The following DST variants were observed in gnomAD, a reference collection of about 807,000 sequenced individuals.
The protein encoded by DST is bullous pemphigoid antigen.
A neutral mutation model predicts 875.2 loss-of-function variants in DST; 253 were observed. The observed-to-expected ratio is 0.29, with a 90% CI of 0.26 to 0.32. The LOEUF (loss-of-function observed/expected upper bound fraction) is 0.32, where lower values mean the gene tolerates loss of function less well. Ranked by LOEUF, DST falls within the 10% of genes least tolerant of loss-of-function variation. DST has a pLI of 1.00. For missense variants in DST, 8,287 were observed against 9,111.6 expected (o/e 0.91, Z 3.68); for synonymous variants, 3,124 against 3,197.1 (o/e 0.98, Z 0.77).
chr6:56,722,209 A>G (rs2099419679), intron 5 of DST, among the ~76,000 whole-genome samples: 1 of 152,186 alleles, frequency 6.6e-6, no homozygotes. Context: ...AAATACACTT[A>G]GGAGGAATTA....
At chr6:56,853,683 T>G (rs1766415184) in intron 3 of DST, among the ~76,000 whole-genome samples, 1 of 152,126 alleles carries the variant, frequency 6.6e-6, no homozygotes, top group Non-Finnish European at 1.5e-5. Context: ...TAGAGTAAAT[T>G]TTTTTAATGG....
chr6:56,895,167 C>G (rs1473554142), intron 3 of DST, among the ~76,000 whole-genome samples: 1 of 77,524 alleles, frequency 1.3e-5, no homozygotes, highest in Non-Finnish European at 2.4e-5. Context: ...CTGACCCCCC[C>G]CACCTCCCTC....
At chr6:56,617,868 A>C in intron 36 of DST, 1 of 836,982 alleles carries the variant, frequency 1.2e-6, no homozygotes, top group South Asian at 1.4e-5. Flanking sequence ...TCCTGTCAGA[A>C]CTACAATGAG....
At chr6:56,880,135 A>G (rs17685045) in intron 3 of DST, among the ~76,000 whole-genome samples, 19,079 of 152,250 alleles carry the variant, frequency 0.13, 1,547 homozygotes, top group Middle Eastern at 0.2. Context: ...CCTTTTATCC[A>G]TTCTTCACCC....
intron 2 of DST, among the ~76,000 whole-genome samples, chr6:56,901,356 G>A (rs887029075): frequency 3.3e-5 from 5 of 152,224 alleles, no homozygotes; most frequent in African/African-American, 7.2e-5. Context: ...AGCACTTTGG[G>A]AGGCCAAGGC....
chr6:56,548,068 T>C (rs2097258743), intron 61 of DST, among the ~76,000 whole-genome samples: 1 of 152,222 alleles, frequency 6.6e-6, no homozygotes, highest in Admixed American at 6.5e-5. Context: ...AAGGCATTTT[T>C]TCACAATGGT....
chr6:56,838,420 ACTT>A (rs759270509), intron 4 of DST, among the ~76,000 whole-genome samples: 11 of 152,224 alleles, frequency 7.2e-5, no homozygotes, highest in Admixed American at 1.3e-4. Context: ...AAATACAAGC[ACTT>A]CTTTGTCAGA....
At chr6:56,788,220 T>C (rs75713424) in intron 4 of DST, among the ~76,000 whole-genome samples, 1 of 151,364 alleles carries the variant, frequency 6.6e-6, no homozygotes, top group Non-Finnish European at 1.5e-5. Flanking sequence ...TTTTTTTTTT[T>C]GAGACGGAGT....
At chr6:56,832,979 T>C (rs2099789078) in intron 4 of DST, among the ~76,000 whole-genome samples, 1 of 152,212 alleles carries the variant, frequency 6.6e-6, no homozygotes, top group Admixed American at 6.5e-5. Context: ...CCTCAGGAGA[T>C]CCACCTGCCT....
chr6:56,464,419 C>A, intron 100 of DST: 3 of 490,390 alleles, frequency 6.1e-6, no homozygotes, highest in Non-Finnish European at 1.1e-5. Flanking sequence ...CATACAAACA[C>A]ATACGCACAC....
In DST at chr6:56,621,679, T is replaced by C. The variant is rs57183853; in HGVS notation, c.4929+2851A>G. Among the ~76,000 whole-genome samples, 1,048 of 152,336 alleles carry C rather than the reference T, an allele frequency of 6.9e-3. 13 individuals are homozygous for C. The highest frequency in any genetic ancestry group is 0.024 in the African/African-American group (1,014 of 41,586). On this transcript the variant is annotated intron_variant, in intron 36 of 103. Transcript: ENST00000680361. ...GGAGGAGTATGCTTTACATTGATTATAGAACTACATGATCAGGATTAGTTT... is the reference window on the plus strand; with the variant it reads ...GGAGGAGTATGCTTTACATTGATTACAGAACTACATGATCAGGATTAGTTT...
At chr6:56,706,799 G>A (rs1408068449) in intron 5 of DST, among the ~76,000 whole-genome samples, 2 of 152,070 alleles carry the variant, frequency 1.3e-5, no homozygotes, top group Non-Finnish European at 2.9e-5. Flanking sequence ...TCAGGAGTTC[G>A]AGACCAGCCT....
At position 56,603,198 on chromosome 6, in the gene DST, T is replaced by C; in HGVS notation, c.11157+7A>G. ...CATAAATCAAAATTTTGACATTTTA[T>C]GCCTACCATTTCAGAGTCGATCGCA... On this transcript the variant is annotated splice_region_variant and intron_variant, in intron 42 of 103. Transcript: ENST00000680361. The C allele has an allele frequency of 6.3e-7, 1 of 1,587,608 alleles. No homozygotes were observed. The highest frequency in any genetic ancestry group is 8.6e-7 in the Non-Finnish European group (1 of 1,166,528).
chr6:56,853,397 C>G (rs933654664), intron 3 of DST, among the ~76,000 whole-genome samples: 50 of 152,142 alleles, frequency 3.3e-4, no homozygotes, highest in African/African-American at 1.2e-3. Flanking sequence ...CTTGAGCTTT[C>G]TGAGATTTTG....
At chr6:56,937,350 G>A (rs537209753) in intron 2 of DST, among the ~76,000 whole-genome samples, 2 of 151,922 alleles carry the variant, frequency 1.3e-5, no homozygotes, top group East Asian at 3.9e-4. Context: ...TTTTACAATG[G>A]ACAAAAGATT....
chr6:56,921,722 TTGAGTGTGCA>T (rs1156413376), intron 2 of DST, among the ~76,000 whole-genome samples: 1 of 152,156 alleles, frequency 6.6e-6, no homozygotes, highest in Non-Finnish European at 1.5e-5. Flanking sequence ...CATATACATA[TTGAGTGTGCA>T]TGCTCAAATT....
At chr6:56,636,147 T>C (rs141721578) in intron 23 of DST, among the ~76,000 whole-genome samples, 1 of 152,020 alleles carries the variant, frequency 6.6e-6, no homozygotes, top group Non-Finnish European at 1.5e-5. Flanking sequence ...CTTAAGAATT[T>C]TTAAAGGATT....
intron 88 of DST, chr6:56,484,666 A>G (rs557000883): frequency 1.3e-5 from 2 of 152,314 alleles, no homozygotes; most frequent in East Asian, 3.9e-4. Context: ...TCATTTGGTC[A>G]TTATTTTGGA....
chr6:56,468,261 C>T (rs1156822516), intron 98 of DST, among the ~76,000 whole-genome samples: 1 of 152,160 alleles, frequency 6.6e-6, no homozygotes, highest in East Asian at 1.9e-4. Context: ...TGCCACTACA[C>T]AGGTTATACT....
Sources: gnomAD v4.1 joint callset for allele counts (sites outside exome capture counted in the v4.1 genomes callset) on GRCh38, gnomAD v4.1.1 for gene constraint, MANE v1.5 for transcripts, NCBI Gene and HGNC (gene_info 2026-07-23, HGNC 2026-07-21) for gene names.